The following MBD5 variants were observed in gnomAD, a reference collection of about 807,000 sequenced individuals.
MBD5 encodes the protein methyl-CpG binding domain protein 5, also known as methyl-CpG-binding domain protein 5.
MBD5 carries 13 observed loss-of-function variants against 117.3 expected under a neutral mutation model. That is an observed-to-expected ratio of 0.11 (90% CI 0.07 to 0.18). MBD5 has a LOEUF of 0.18. MBD5 is among the 10% of genes least tolerant of loss of function. MBD5 has a pLI of 1.00. For synonymous variants in MBD5, 727 were observed against 766.4 expected (o/e 0.95, Z 0.85); for missense variants, 1,879 against 2,093.8 (o/e 0.90, Z 2.00).
At chr2:148,338,425 C>T (rs954893496) in intron 3 of MBD5, among the ~76,000 whole-genome samples, 1 of 151,998 alleles carries the variant, frequency 6.6e-6, no homozygotes, top group African/African-American at 2.4e-5. Context: ...TATTGGCCAC[C>T]TATGAAATGG....
intron 3 of MBD5, among the ~76,000 whole-genome samples, chr2:148,321,377 A>T (rs986420738): frequency 6.6e-6 from 1 of 152,194 alleles, no homozygotes; most frequent in South Asian, 2.1e-4. Flanking sequence ...GGCTGCATTC[A>T]AAGCCATCCT....
At chr2:148,268,289 C>A (rs1325790457) in intron 3 of MBD5, among the ~76,000 whole-genome samples, 1 of 152,028 alleles carries the variant, frequency 6.6e-6, no homozygotes, top group African/African-American at 2.4e-5. Context: ...TAAACTGCCC[C>A]CAGGCTGGTC....
At chr2:148,039,519 A>C (rs1428825478) in intron 1 of MBD5, among the ~76,000 whole-genome samples, 1 of 152,174 alleles carries the variant, frequency 6.6e-6, no homozygotes, top group Non-Finnish European at 1.5e-5. Flanking sequence ...CTCGAGGCTT[A>C]AAATGTTGGA....
chr2:148,077,034 T>C (rs1695526170), intron 1 of MBD5, among the ~76,000 whole-genome samples: 1 of 152,200 alleles, frequency 6.6e-6, no homozygotes, highest in African/African-American at 2.4e-5. Context: ...ACAGAGACTG[T>C]TAAGTGGCCT....
intron 2 of MBD5, among the ~76,000 whole-genome samples, chr2:148,216,162 T>C (rs1018721976): frequency 6.6e-6 from 1 of 152,178 alleles, no homozygotes; most frequent in African/African-American, 2.4e-5. Context: ...AGTAGCTTTC[T>C]CCAGAGTGGA....
chr2:148,230,737 G>T (rs1699963525), intron 2 of MBD5, among the ~76,000 whole-genome samples: 1 of 152,098 alleles, frequency 6.6e-6, no homozygotes. Context: ...GTTGTTCAGG[G>T]CCCAAGGTCT....
At chr2:148,428,948 G>A (rs1574414806) in intron 4 of MBD5, among the ~76,000 whole-genome samples, 1 of 152,170 alleles carries the variant, frequency 6.6e-6, no homozygotes, top group South Asian at 2.1e-4. Flanking sequence ...AAGCCTTCAT[G>A]ACCAAAACAC....
At chr2:148,237,863 C>T (rs995697053) in intron 3 of MBD5, among the ~76,000 whole-genome samples, 13 of 152,140 alleles carry the variant, frequency 8.5e-5, no homozygotes, top group South Asian at 6.2e-4. Context: ...TAACCACAAC[C>T]GTGCATTCTA....
At chr2:148,497,349 G>T (rs1280610464) in intron 11 of MBD5, among the ~76,000 whole-genome samples, 6 of 151,938 alleles carry the variant, frequency 3.9e-5, no homozygotes, top group Non-Finnish European at 8.8e-5. Context: ...AATATTACTT[G>T]TATTTTTCTA....
At chr2:148,158,689 T>G (rs547484032) in intron 1 of MBD5, among the ~76,000 whole-genome samples, 1 of 151,688 alleles carries the variant, frequency 6.6e-6, no homozygotes, top group Non-Finnish European at 1.5e-5. Context: ...TTCACATCCA[T>G]TATTTCCTGT....
At chr2:148,271,777 A>AT (rs70992201) in intron 3 of MBD5, among the ~76,000 whole-genome samples, 16,063 of 152,130 alleles carry the variant, frequency 0.11, 1,130 homozygotes, top group Non-Finnish European at 0.15. Context: ...CATTTTTACC[A>AT]TTTTTTGTGA....
intron 4 of MBD5, among the ~76,000 whole-genome samples, chr2:148,382,468 A>T (rs1204344142): frequency 6.6e-6 from 1 of 152,174 alleles, no homozygotes; most frequent in Non-Finnish European, 1.5e-5. Context: ...GTCCTTAGTG[A>T]CCTACAAAGT....
At chr2:148,444,537 C>G (rs753250358) in intron 4 of MBD5, among the ~76,000 whole-genome samples, 5 of 150,912 alleles carry the variant, frequency 3.3e-5, no homozygotes, top group Non-Finnish European at 5.9e-5. Context: ...AAAATGAGTA[C>G]GATATTAGAA....
chr2:148,170,189 G>A (rs1437307731), intron 1 of MBD5, among the ~76,000 whole-genome samples: 4 of 152,168 alleles, frequency 2.6e-5, no homozygotes, highest in African/African-American at 9.7e-5. Context: ...GAGCCACCGC[G>A]CCCGGCCCGG....
rs1284172769 is a variant in MBD5, at chr2:148,345,333, A to C, written c.-557+2997A>C. Among the ~76,000 whole-genome samples, 3 of 149,510 alleles carry C rather than the reference A, an allele frequency of 2.0e-5. No individual in the cohort carries two copies. The East Asian group carries it at 5.9e-4, about 29-fold the overall frequency. On this transcript the variant is annotated intron_variant, in intron 4 of 13. Coordinates refer to ENST00000642680, the MANE Select transcript of MBD5 (RefSeq NM_001378120.1). Reference sequence around the variant, plus strand: ...TACACACACATATATATATATATGTATATACACATATACATATACACATAT... The same window carrying C: ...TACACACACATATATATATATATGTCTATACACATATACATATACACATAT...
At chr2:148,375,457 A>G (rs34342202) in intron 4 of MBD5, among the ~76,000 whole-genome samples, 32,437 of 152,084 alleles carry the variant, frequency 0.21, 4,026 homozygotes, top group East Asian at 0.53. Flanking sequence ...CACCACTCTC[A>G]TCCCCAAGGA....
intron 2 of MBD5, among the ~76,000 whole-genome samples, chr2:148,201,231 G>C (rs1178597996): frequency 2.1e-4 from 32 of 152,206 alleles, no homozygotes; most frequent in Admixed American, 2.1e-3. Flanking sequence ...GCCAGTGAAT[G>C]CAGGGTCTGG....
At chr2:148,099,129 T>G (rs1479092230) in intron 1 of MBD5, among the ~76,000 whole-genome samples, 1 of 152,052 alleles carries the variant, frequency 6.6e-6, no homozygotes, top group Non-Finnish European at 1.5e-5. Context: ...GGAGGAAAAC[T>G]ATCTGGTATT....
At chr2:148,079,036 G>A (rs1455281416) in intron 1 of MBD5, among the ~76,000 whole-genome samples, 2 of 152,200 alleles carry the variant, frequency 1.3e-5, no homozygotes, top group Non-Finnish European at 2.9e-5. Flanking sequence ...CTATGGTAGT[G>A]ATCTTCTTGA....
Sources: allele counts gnomAD v4.1 joint callset (sites outside exome capture counted in the v4.1 genomes callset), GRCh38; gene constraint gnomAD v4.1.1; transcripts MANE v1.5; gene names NCBI Gene and HGNC (gene_info 2026-07-23, HGNC 2026-07-21).